KIF26B: variants seen among roughly 807,000 people sequenced by gnomAD.
The protein encoded by KIF26B is kinesin-like protein KIF26B.
In KIF26B, 63 loss-of-function variants were observed where a neutral mutation model predicts 151.2. The ratio of observed to expected loss-of-function variants is 0.42; its 90% CI spans 0.34 to 0.51. KIF26B has a LOEUF of 0.51. Ranked by LOEUF, KIF26B falls within the 20% of genes least tolerant of loss-of-function variation. KIF26B has a pLI of 0.07. For missense variants in KIF26B, 2,813 were observed against 2,913.6 expected (o/e 0.97, Z 0.79); for synonymous variants, 1,357 against 1,262.1 (o/e 1.08, Z -1.59).
chr1:245,687,365 TGAG>T lies in KIF26B; in HGVS notation c.4384_4386del (p.Arg1462del), dbSNP rs2044543205. On this transcript the variant is annotated inframe_deletion, in exon 12 of 15. Transcript: ENST00000407071. This position sits in a 1 kb window ranked among gnomAD's most constrained non-coding sequence, Gnocchi z 4.9. ...GCTCATCCCAATGAAGAAGGGATGA[TGAG>T]GTGTGAGACTGCCACGGGCCCCTCG... 1 of 1,592,236 alleles carries T rather than the reference TGAG, an allele frequency of 6.3e-7. No homozygotes were observed. Among genetic ancestry groups the T allele is most frequent in the Non-Finnish European group, 8.5e-7 (1 of 1,169,964 alleles).
intron 12 of KIF26B, among the ~76,000 whole-genome samples, chr1:245,690,973 T>G (rs767691840): frequency 9.8e-5 from 15 of 152,344 alleles, no homozygotes; most frequent in Admixed American, 2.0e-4. Context: ...TCCCAGTACC[T>G]GGTTAATGAA....
chr1:245,414,267 G>T (rs1674364129), intron 3 of KIF26B, among the ~76,000 whole-genome samples: 1 of 152,202 alleles, frequency 6.6e-6, no homozygotes, highest in African/African-American at 2.4e-5. Context: ...GAGTCGCACT[G>T]ACTTGTAGGA....
intron 2 of KIF26B, among the ~76,000 whole-genome samples, chr1:245,187,326 A>T (rs2103530828): frequency 6.6e-6 from 1 of 152,338 alleles, no homozygotes; most frequent in Non-Finnish European, 1.5e-5. Flanking sequence ...TGGACAATAG[A>T]GAAAGACAGA....
At chr1:245,187,387 G>C (rs1185390201) in intron 2 of KIF26B, among the ~76,000 whole-genome samples, 2 of 152,186 alleles carry the variant, frequency 1.3e-5, no homozygotes, top group Admixed American at 6.5e-5. Context: ...AGAAATTACT[G>C]AATGGACACC....
intron 5 of KIF26B, among the ~76,000 whole-genome samples, chr1:245,569,900 G>T (rs1572133572): frequency 1.6e-5 from 2 of 128,780 alleles, no homozygotes; most frequent in South Asian, 2.7e-4. Flanking sequence ...TCTTTCCCTT[G>T]AGGGAAACCT....
intron 4 of KIF26B, among the ~76,000 whole-genome samples, chr1:245,489,007 C>T (rs1314756513): frequency 1.3e-5 from 2 of 152,186 alleles, no homozygotes; most frequent in African/African-American, 4.8e-5. Context: ...CTCCGGTACT[C>T]TAGAATCCCT....
intron 7 of KIF26B, 37 bp downstream of exon 7, chr1:245,607,781 A>G: frequency 6.6e-7 from 1 of 1,520,902 alleles, no homozygotes. Flanking sequence ...CGGCTCGTTG[A>G]GCTCCCTGTC....
chr1:245,394,684 C>CTTTTTTTTTTTTTT (rs1444711983), intron 3 of KIF26B, among the ~76,000 whole-genome samples: 5 of 124,416 alleles, frequency 4.0e-5, no homozygotes, highest in Admixed American at 1.6e-4. Flanking sequence ...AAGTTTTTTT[C>CTTTTTTTTTTTTTT]TTTCTTTTTT....
rs560960898 is a variant in KIF26B, at chr1:245,682,236, G to T, written c.2259-1997G>T. Among the ~76,000 whole-genome samples, 380 of 152,184 alleles carry T rather than the reference G, an allele frequency of 2.5e-3. 2 individuals carry two copies. The highest frequency in any genetic ancestry group is 8.7e-3 in the African/African-American group (362 of 41,514). On this transcript the variant is annotated intron_variant, in intron 10 of 14. Transcript: ENST00000407071. The stretch of plus-strand genomic sequence containing the variant: ...CTCCAGCCTGGGCAACAGAGCAAGA[G>T]TCTGTCTTAGGAAAAAAAGAAAGAA...
chr1:245,438,316 C>T (rs1455997786), intron 4 of KIF26B, among the ~76,000 whole-genome samples: 1 of 152,192 alleles, frequency 6.6e-6, no homozygotes, highest in Non-Finnish European at 1.5e-5. Context: ...TCCTGGAGGA[C>T]ACAGAAAGCT....
chr1:245,594,777 A>G (rs567002206), intron 5 of KIF26B, among the ~76,000 whole-genome samples: 80 of 152,226 alleles, frequency 5.3e-4, no homozygotes, highest in African/African-American at 1.9e-3. Flanking sequence ...CATATTCACG[A>G]TATTGTTTCT....
chr1:245,555,729 G>A (rs1428274687), intron 5 of KIF26B, among the ~76,000 whole-genome samples: 2 of 152,282 alleles, frequency 1.3e-5, no homozygotes, highest in South Asian at 4.1e-4. Flanking sequence ...CACAGAGCAT[G>A]TCAGGTCTCA....
intron 5 of KIF26B, among the ~76,000 whole-genome samples, chr1:245,600,839 T>C (rs1002088525): frequency 4.6e-5 from 7 of 152,080 alleles, no homozygotes; most frequent in Non-Finnish European, 1.0e-4. Context: ...TTATTCCTAC[T>C]GTACAGGTGA....
In KIF26B at chr1:245,156,434, C is replaced by T; in HGVS notation, c.216C>T (p.Gly72=). ...ALGSSGTPSP[G]SGTSSPSSFT... ...GCTCCTCGGGGACCCCGTCTCCCGG[C>T]TCGGGCACCTCGTCCCCGAGCTCGT... The change falls in exon 2 of 15, where the codon GGC becomes GGT. Residue 72 remains glycine (G), a synonymous_variant. Transcript: ENST00000407071. The T allele has an allele frequency of 6.5e-7, 1 of 1,527,276 alleles. No homozygotes were observed. The highest frequency in any genetic ancestry group is 2.5e-5 in the East Asian group (1 of 39,570). 94.6% of individuals were successfully genotyped at this position (1,527,276 alleles called of 1,614,324 possible).
intron 2 of KIF26B, among the ~76,000 whole-genome samples, chr1:245,242,730 C>A (rs1467879983): frequency 1.3e-5 from 2 of 152,130 alleles, no homozygotes; most frequent in Admixed American, 6.5e-5. Flanking sequence ...CGGCTCACTG[C>A]ATCCTCTGTC....
At chr1:245,699,611 ATTGTC>A (rs56682219) in intron 14 of KIF26B, among the ~76,000 whole-genome samples, 96,228 of 151,378 alleles carry the variant, frequency 0.64, 31,404 homozygotes, top group Middle Eastern at 0.74. Context: ...GGTGGATTCA[ATTGTC>A]TTGTCTTATT....
chr1:245,420,352 G>A (rs10924197), intron 4 of KIF26B, among the ~76,000 whole-genome samples: 101,534 of 152,106 alleles, frequency 0.67, 34,662 homozygotes, highest in East Asian at 0.89. Context: ...GAGACGGGGC[G>A]GGAGACGAAG....
chr1:245,559,850 A>G (rs1184278766), intron 5 of KIF26B, among the ~76,000 whole-genome samples: 1 of 150,394 alleles, frequency 6.6e-6, no homozygotes, highest in African/African-American at 2.4e-5. Context: ...CCAGCCTAAC[A>G]AGGTTTTTTG....
chr1:245,275,519 AG>A (rs1164776303), intron 2 of KIF26B, among the ~76,000 whole-genome samples: 40 of 152,182 alleles, frequency 2.6e-4, no homozygotes, highest in African/African-American at 9.2e-4. Flanking sequence ...GATGTAAGGA[AG>A]GGGTCCAGTT....
Sources: allele counts gnomAD v4.1 joint callset (sites outside exome capture counted in the v4.1 genomes callset), GRCh38; gene constraint gnomAD v4.1.1; non-coding constraint Gnocchi (gnomAD v3.1); transcripts MANE v1.5; gene names NCBI Gene and HGNC (gene_info 2026-07-23, HGNC 2026-07-21).